PPP2R5C: variants seen among roughly 807,000 people sequenced by gnomAD.
PPP2R5C encodes serine/threonine-protein phosphatase 2A 56 kDa regulatory subunit gamma isoform.
A neutral mutation model predicts 68.9 loss-of-function variants in PPP2R5C; 7 were observed. That is an observed-to-expected ratio of 0.10 (90% CI 0.06 to 0.19). The LOEUF is 0.19. Ranked by LOEUF, PPP2R5C falls within the 10% of genes least tolerant of loss-of-function variation. PPP2R5C has a pLI of 1.00. For synonymous variants in PPP2R5C, 210 were observed against 222.2 expected (o/e 0.95, Z 0.49); for missense variants, 348 against 641.3 (o/e 0.54, Z 4.94).
exon 9 of PPP2R5C, chr14:101,901,815 C>G: frequency 6.2e-7 from 1 of 1,614,166 alleles, no homozygotes; most frequent in Admixed American, 1.7e-5. Flanking sequence ...TGTCATTGAA[C>G]CATCAGAATT....
Position 101,899,549 on chromosome 14 carries a change from C to T in PPP2R5C, c.853-2170C>T, listed in dbSNP as rs907612413. Among the ~76,000 whole-genome samples the T allele has an allele frequency of 2.6e-5, 4 of 152,216 alleles. No individual in the cohort carries two copies. The highest frequency in any genetic ancestry group is 5.9e-5 in the Non-Finnish European group (4 of 68,044). On this transcript the variant is annotated intron_variant, in intron 8 of 13. Coordinates refer to ENST00000334743, the Ensembl canonical transcript of PPP2R5C. This position sits in a 1 kb window ranked among gnomAD's most constrained non-coding sequence, Gnocchi z 4.2. ...ATTCCAAACAATGTGAACAGGAAGG[C>T]CCGTGTGTGAATCCGATCCCAGAAA...
At position 101,781,501 on chromosome 14, in the gene PPP2R5C, C is replaced by T. The variant is rs574403443; in HGVS notation, c.94-4517C>T. Among the ~76,000 whole-genome samples, 1 of 152,162 alleles carries T rather than the reference C, an allele frequency of 6.6e-6. No individual in the cohort carries two copies. Among genetic ancestry groups the T allele is most frequent in the Admixed American group, 6.5e-5 (1 of 15,296 alleles). ...GGCCCTCCTGCCGCCCCCCAGCCTC[C>T]CCGCCCCTGCCCTTGCCAGCCTGCG... On this transcript the variant is annotated intron_variant, in intron 2 of 14. Coordinates refer to the PPP2R5C transcript ENST00000328724. This position sits in a 1 kb window ranked among gnomAD's most constrained non-coding sequence, Gnocchi z 6.4.
Position 101,877,476 on chromosome 14 carries a change from T to C in PPP2R5C, c.295-4685T>C, listed in dbSNP as rs1020297729. ...TGCTGCCCAGAAGACCCGGGACTCC[T>C]TAGACCTCAGAGCTTCTTTGGTGTT... On this transcript the variant is annotated intron_variant, in intron 2 of 13. Transcript: ENST00000334743. This position sits in a 1 kb window ranked among gnomAD's most constrained non-coding sequence, Gnocchi z 4.2. Among the ~76,000 whole-genome samples, 3 of 152,138 alleles carry C rather than the reference T, an allele frequency of 2.0e-5. No individual in the cohort carries two copies.
chr14:101,866,644 TGACG>T (rs1394401136), intron 2 of PPP2R5C, among the ~76,000 whole-genome samples: 12 of 152,084 alleles, frequency 7.9e-5, no homozygotes, highest in African/African-American at 2.9e-4. Flanking sequence ...TGCTCCAACC[TGACG>T]GACAGAGCAA....
intron 2 of PPP2R5C, among the ~76,000 whole-genome samples, chr14:101,775,912 G>A (rs560591902): frequency 5.9e-5 from 9 of 151,742 alleles, no homozygotes; most frequent in Non-Finnish European, 1.0e-4. Context: ...CAGGGACCCC[G>A]TGTCTGTTCA....
intron 1 of PPP2R5C, among the ~76,000 whole-genome samples, chr14:101,842,090 A>G (rs2041511476): frequency 6.6e-6 from 1 of 152,198 alleles, no homozygotes; most frequent in Non-Finnish European, 1.5e-5. Flanking sequence ...ACTTATGGGT[A>G]GAGAAGGGTC....
At chr14:101,765,166 A>G (rs1316264781) in intron 2 of PPP2R5C, 1 of 702,786 alleles carries the variant, frequency 1.4e-6, no homozygotes. Context: ...CTACTGTCTA[A>G]GAGCTGGAGC....
chr14:101,914,208 A>T (rs920716882), intron 12 of PPP2R5C: 1 of 456,040 alleles, frequency 2.2e-6, no homozygotes, highest in African/African-American at 2.0e-5. Flanking sequence ...GCTTTGACGA[A>T]CTGTGATGCT....
At chr14:101,762,323 T>C (rs1475202142) in intron 1 of PPP2R5C, among the ~76,000 whole-genome samples, 4 of 151,420 alleles carry the variant, frequency 2.6e-5, no homozygotes, top group African/African-American at 9.7e-5. Context: ...GCTTCAGGGA[T>C]GGGGGCTGTA....
intron 1 of PPP2R5C, chr14:101,839,417 AG>A (rs1304442264): frequency 6.6e-6 from 1 of 151,288 alleles, no homozygotes; most frequent in Non-Finnish European, 1.5e-5. Flanking sequence ...AGGGCCTGTG[AG>A]AACAGCCTGC....
chr14:101,908,364 G>T (rs1324167179), intron 10 of PPP2R5C, among the ~76,000 whole-genome samples: 1 of 152,040 alleles, frequency 6.6e-6, no homozygotes, highest in Non-Finnish European at 1.5e-5. Context: ...TTGTAGCATT[G>T]ATTTATTTTA....
intron 2 of PPP2R5C, among the ~76,000 whole-genome samples, chr14:101,870,347 T>C (rs1332524328): frequency 1.3e-5 from 2 of 152,186 alleles, no homozygotes; most frequent in Non-Finnish European, 2.9e-5. Context: ...TGTAGGTCTG[T>C]GATCCATTTT....
At chr14:101,849,505 C>G (rs549297314) in intron 1 of PPP2R5C, among the ~76,000 whole-genome samples, 1 of 142,558 alleles carries the variant, frequency 7.0e-6, no homozygotes, top group African/African-American at 2.6e-5. Context: ...AGACTTTTTC[C>G]TATTCTTCTA....
chr14:101,895,097 G>A (rs1470641217), intron 8 of PPP2R5C, among the ~76,000 whole-genome samples: 1 of 152,094 alleles, frequency 6.6e-6, no homozygotes, highest in Non-Finnish European at 1.5e-5. Context: ...AATTATGTCA[G>A]AGGATTTATA....
At chr14:101,773,385 G>C (rs1006203400) in intron 2 of PPP2R5C, among the ~76,000 whole-genome samples, 1 of 152,114 alleles carries the variant, frequency 6.6e-6, no homozygotes, top group Non-Finnish European at 1.5e-5. Flanking sequence ...GGCTGCTTCA[G>C]GTGGTCAAGG....
intron 3 of PPP2R5C, 141 bp downstream of exon 3, chr14:101,786,324 T>C: frequency 1.4e-6 from 1 of 721,540 alleles, no homozygotes; most frequent in Non-Finnish European, 2.1e-6. Context: ...TTTTTTTTTT[T>C]TTAGGTTGAA....
chr14:101,781,223 G>A lies in PPP2R5C; in HGVS notation c.94-4795G>A, dbSNP rs1204940226. On this transcript the variant is annotated intron_variant, in intron 2 of 14. Coordinates refer to the PPP2R5C transcript ENST00000328724. The surrounding 1 kb of genome is among the most constrained non-coding windows in gnomAD (Gnocchi z 6.4). The stretch of plus-strand genomic sequence containing the variant: ...ACGAACCAGCGAACCAGCGGTGTTG[G>A]TGGTGTCTGGTGCCCAGGAGGAGGG... Among the ~76,000 whole-genome samples, 1 of 152,214 alleles carries A rather than the reference G, an allele frequency of 6.6e-6. No individual in the cohort carries two copies. Among genetic ancestry groups the A allele is most frequent in the African/African-American group, 2.4e-5 (1 of 41,454 alleles).
chr14:101,896,195 T>C (rs1445771965), intron 8 of PPP2R5C, among the ~76,000 whole-genome samples: 1 of 151,732 alleles, frequency 6.6e-6, no homozygotes, highest in Non-Finnish European at 1.5e-5. Flanking sequence ...AATTTTTGCA[T>C]TTTTATTAGA....
At chr14:101,829,002 C>G (rs1391744825) in intron 1 of PPP2R5C, among the ~76,000 whole-genome samples, 1 of 152,162 alleles carries the variant, frequency 6.6e-6, no homozygotes, top group Non-Finnish European at 1.5e-5. Flanking sequence ...TTTTTCTTAC[C>G]TCAAAAACTA....
Sources: allele counts gnomAD v4.1 joint callset (sites outside exome capture counted in the v4.1 genomes callset), GRCh38; gene constraint gnomAD v4.1.1; non-coding constraint Gnocchi (gnomAD v3.1); transcripts MANE v1.5; gene names NCBI Gene and HGNC (gene_info 2026-07-23, HGNC 2026-07-21).